Variants in MYO5B observed in about 807,000 individuals in gnomAD.
The protein encoded by MYO5B is unconventional myosin-Vb.
A neutral mutation model predicts 229.3 loss-of-function variants in MYO5B; 143 were observed. The observed-to-expected ratio is 0.62, with a 90% CI of 0.54 to 0.72. The LOEUF is 0.72. Ranked by LOEUF, MYO5B falls within the 30% of genes least tolerant of loss-of-function variation. MYO5B has a pLI of 0.00. For synonymous variants in MYO5B, 918 were observed against 885.2 expected (o/e 1.04, Z -0.66); for missense variants, 2,321 against 2,331.0 (o/e 1.00, Z 0.09).
rs901383493 is a variant in MYO5B, at chr18:50,109,426, CT to C, written c.28-54049del. Among the ~76,000 whole-genome samples, 1,000 of 130,504 alleles carry C rather than the reference CT, an allele frequency of 7.7e-3. 1 individual carries two copies. Among genetic ancestry groups the C allele is most frequent in the Non-Finnish European group, 0.011 (632 of 59,732 alleles). 85.6% of individuals were successfully genotyped at this position (130,504 alleles called of 152,430 possible). On this transcript the variant is annotated intron_variant, in intron 1 of 39. Transcript: ENST00000285039. ...AACTGGTCCGCTGGTCATGATTTTTCTTTTTTTTTTTTTTTTGAGACAAGAG... is the reference window on the plus strand; with the variant it reads ...AACTGGTCCGCTGGTCATGATTTTTCTTTTTTTTTTTTTTTGAGACAAGAG...
At chr18:49,902,873 T>G in intron 20 of MYO5B, 40 bp from the exon 21 acceptor site, 1 of 1,594,890 alleles carries the variant, frequency 6.3e-7, no homozygotes, top group Non-Finnish European at 8.5e-7. Context: ...GGGTTTGCAC[T>G]GCAGGACAGG....
At chr18:49,944,990 G>A (rs191085208) in intron 14 of MYO5B, among the ~76,000 whole-genome samples, 4 of 152,226 alleles carry the variant, frequency 2.6e-5, no homozygotes, top group South Asian at 4.2e-4. Context: ...GATCCTACCC[G>A]ACCTCTTCAA....
In MYO5B at chr18:49,872,176, A is replaced by C. The variant is rs1239298992; in HGVS notation, c.3594T>G (p.Asn1198Lys). 1.2e-6 allele frequency: 2 copies of C among 1,613,854 alleles called. No individual in the cohort carries two copies. Among genetic ancestry groups the C allele is most frequent in the Admixed American group, 3.3e-5 (2 of 60,000 alleles). Residue 1198 changes from asparagine to lysine, a missense_variant, in exon 27 of 40, where the codon AAT becomes AAG. Transcript: ENST00000285039. ...DLDPNADLAYNSLKRQELESE... is the reference protein window; with the variant it reads ...DLDPNADLAYKSLKRQELESE... ...CCCCCAAGAATCTTACCTTCAGACT[A>C]TTGTAGGCCAGATCTGCATTCGGGT...
chr18:49,962,636 A>G (rs946940277), intron 11 of MYO5B, among the ~76,000 whole-genome samples: 2 of 152,182 alleles, frequency 1.3e-5, no homozygotes, highest in Admixed American at 6.5e-5. Flanking sequence ...GAGTTGCCGT[A>G]TTCCCATTCA....
At chr18:49,944,400 G>C (rs1046573239) in intron 14 of MYO5B, among the ~76,000 whole-genome samples, 1 of 152,098 alleles carries the variant, frequency 6.6e-6, no homozygotes, top group Non-Finnish European at 1.5e-5. Context: ...GCATAAGGAA[G>C]AGCCCACTGC....
chr18:50,004,968 T>G (rs1416690091), intron 4 of MYO5B, among the ~76,000 whole-genome samples: 1 of 152,218 alleles, frequency 6.6e-6, no homozygotes, highest in Non-Finnish European at 1.5e-5. Context: ...TTGGACAAAG[T>G]AGTTAACTTA....
chr18:49,985,578 G>A (rs1372319931), intron 7 of MYO5B, among the ~76,000 whole-genome samples: 1 of 152,142 alleles, frequency 6.6e-6, no homozygotes, highest in East Asian at 1.9e-4. Flanking sequence ...GGCAACAATT[G>A]CATGTAATCG....
At chr18:49,898,733 T>C (rs912344404) in intron 21 of MYO5B, among the ~76,000 whole-genome samples, 2 of 152,200 alleles carry the variant, frequency 1.3e-5, no homozygotes, top group Non-Finnish European at 2.9e-5. Flanking sequence ...TCAGTTTTCT[T>C]CCTGTTACTG....
At position 49,937,232 on chromosome 18, in the gene MYO5B, G is replaced by T. The variant is rs200316615; in HGVS notation, c.1905+13C>A. On this transcript the variant is annotated intron_variant, in intron 15 of 39. Transcript: ENST00000285039. ...CATGCACCTCAGCCCATAGCTTTTG[G>T]TCCGGGGCTGACCTGGTGGCCAACG... 507 of 1,613,980 alleles carry T rather than the reference G, an allele frequency of 3.1e-4. No individual in the cohort carries two copies. The highest frequency in any genetic ancestry group is 3.9e-4 in the Non-Finnish European group (462 of 1,179,884).
chr18:50,173,686 G>T (rs1164925875), intron 1 of MYO5B, among the ~76,000 whole-genome samples: 1 of 152,212 alleles, frequency 6.6e-6, no homozygotes, highest in African/African-American at 2.4e-5. Flanking sequence ...CACAGATGAT[G>T]CCTGGATCTG....
At chr18:50,191,926 G>T (rs1356086472) in intron 1 of MYO5B, among the ~76,000 whole-genome samples, 3 of 152,192 alleles carry the variant, frequency 2.0e-5, no homozygotes, top group African/African-American at 7.2e-5. Context: ...AATTTATGAC[G>T]AAGTGTGGAG....
At chr18:50,057,803 A>ATCG (rs1249774716) in intron 1 of MYO5B, among the ~76,000 whole-genome samples, 1 of 152,178 alleles carries the variant, frequency 6.6e-6, no homozygotes, top group African/African-American at 2.4e-5. Flanking sequence ...GGACCTCAGC[A>ATCG]TCGTCATCAC....
chr18:49,878,877 T>G (rs2024555363), intron 24 of MYO5B, 68 bp downstream of exon 24: 1 of 1,571,306 alleles, frequency 6.4e-7, no homozygotes, highest in African/African-American at 1.4e-5. Context: ...GTGCCTGAGA[T>G]CACGTGGTCA....
intron 2 of MYO5B, among the ~76,000 whole-genome samples, chr18:50,052,127 C>A (rs1430978267): frequency 6.6e-6 from 1 of 152,120 alleles, no homozygotes; most frequent in Non-Finnish European, 1.5e-5. Flanking sequence ...CTAGTTCGAC[C>A]ATTGTGGAAG....
intron 16 of MYO5B, 79 bp from the exon 17 acceptor site, chr18:49,929,677 T>C: frequency 1.6e-6 from 2 of 1,266,572 alleles, no homozygotes; most frequent in Non-Finnish European, 2.2e-6. Context: ...CAAAAAAGAA[T>C]CTTTTCCTGC....
intron 9 of MYO5B, among the ~76,000 whole-genome samples, chr18:49,977,353 G>A (rs192572459): frequency 1.3e-5 from 2 of 152,220 alleles, no homozygotes; most frequent in African/African-American, 2.4e-5. Flanking sequence ...GGCAACCCTG[G>A]CAGTCATGGA....
At chr18:50,049,986 AT>A (rs776422100) in intron 2 of MYO5B, among the ~76,000 whole-genome samples, 8 of 151,642 alleles carry the variant, frequency 5.3e-5, no homozygotes, top group Non-Finnish European at 1.0e-4. Flanking sequence ...TTTTACCACA[AT>A]TTTTTTTTAC....
At chr18:50,177,836 A>G (rs1386782228) in intron 1 of MYO5B, among the ~76,000 whole-genome samples, 1 of 152,228 alleles carries the variant, frequency 6.6e-6, no homozygotes, top group African/African-American at 2.4e-5. Context: ...AGGGAATAGC[A>G]AGAGGTGAAG....
chr18:50,066,833 C>T (rs752220527), intron 1 of MYO5B, among the ~76,000 whole-genome samples: 6 of 152,254 alleles, frequency 3.9e-5, no homozygotes, highest in South Asian at 2.1e-4. Context: ...TATTTGGAAC[C>T]GAATCATTCT....
Sources: gnomAD v4.1 joint callset for allele counts (sites outside exome capture counted in the v4.1 genomes callset) on GRCh38, gnomAD v4.1.1 for gene constraint, MANE v1.5 for transcripts, NCBI Gene and HGNC (gene_info 2026-07-23, HGNC 2026-07-21) for gene names.